Variants in WASF2 observed in about 807,000 individuals in gnomAD.
WASF2 encodes WASP family member 2.
In WASF2, 14 loss-of-function variants were observed where a neutral mutation model predicts 45.0. The observed-to-expected ratio is 0.31, with a 90% CI of 0.21 to 0.49. The LOEUF is 0.49. WASF2 is among the 20% of genes least tolerant of loss of function. WASF2 has a pLI of 0.99. For missense variants in WASF2, 439 were observed against 636.1 expected (o/e 0.69, Z 3.33); for synonymous variants, 200 against 236.3 (o/e 0.85, Z 1.41).
In WASF2 at chr1:27,417,474, C is replaced by T. The variant is rs114862369; in HGVS notation, c.419+795G>A. 1.5e-3 allele frequency among the ~76,000 whole-genome samples: 227 copies of T among 152,362 alleles called. 1 individual carries two copies. The highest frequency in any genetic ancestry group is 5.3e-3 in the African/African-American group (220 of 41,584). ...ACGTGGGTACACACACACACACACT[C>T]TACCTTGCAGTGTACACATGTCTGA... On this transcript the variant is annotated intron_variant, in intron 4 of 8. Coordinates refer to ENST00000618852, the MANE Select transcript of WASF2 (RefSeq NM_006990.5).
intron 1 of WASF2, among the ~76,000 whole-genome samples, chr1:27,451,543 A>G (rs889094622): frequency 5.9e-5 from 9 of 152,186 alleles, no homozygotes; most frequent in African/African-American, 1.9e-4. Context: ...AGCTATAGGG[A>G]GCTATTTAAG....
chr1:27,413,355 G>C (rs2016790227), intron 6 of WASF2, among the ~76,000 whole-genome samples: 1 of 152,188 alleles, frequency 6.6e-6, no homozygotes. Flanking sequence ...GGCCTTGGGT[G>C]AATTTGTTCT....
At chr1:27,455,793 G>GA (rs963004173) in intron 1 of WASF2, among the ~76,000 whole-genome samples, 2 of 151,966 alleles carry the variant, frequency 1.3e-5, no homozygotes, top group Non-Finnish European at 2.9e-5. Context: ...CCATTCCCCA[G>GA]AAAAAATTAA....
chr1:27,451,768 C>T (rs1397592215), intron 1 of WASF2, among the ~76,000 whole-genome samples: 1 of 152,176 alleles, frequency 6.6e-6, no homozygotes, highest in Admixed American at 6.5e-5. Context: ...CACTTTCTTC[C>T]TTGAACAATT....
At chr1:27,415,902 C>T (rs1362210515) in intron 5 of WASF2, 83 bp downstream of exon 5, 1 of 1,191,384 alleles carries the variant, frequency 8.4e-7, no homozygotes, top group Non-Finnish European at 1.2e-6. Flanking sequence ...GAAATGATTA[C>T]TTCACATAAC....
chr1:27,419,939 C>T (rs554603394), intron 2 of WASF2, among the ~76,000 whole-genome samples: 1 of 152,240 alleles, frequency 6.6e-6, no homozygotes, highest in Non-Finnish European at 1.5e-5. Context: ...GAGTTTCCCT[C>T]TGTCACCCAG....
intron 2 of WASF2, among the ~76,000 whole-genome samples, chr1:27,424,957 C>G (rs536782797): frequency 6.6e-6 from 1 of 152,292 alleles, no homozygotes; most frequent in South Asian, 2.1e-4. Flanking sequence ...CTACAGGCAG[C>G]CAGACAGACA....
intron 2 of WASF2, among the ~76,000 whole-genome samples, chr1:27,426,952 A>G (rs933111580): frequency 6.6e-6 from 1 of 152,188 alleles, no homozygotes; most frequent in Non-Finnish European, 1.5e-5. Flanking sequence ...GTAGGCAATC[A>G]ACAAATGTGG....
In WASF2 at chr1:27,407,696, C is replaced by G. The variant is rs572585806; in HGVS notation, c.*493G>C. 1 of 153,234 alleles carries G rather than the reference C, an allele frequency of 6.5e-6. No homozygotes were observed. Among genetic ancestry groups the G allele is most frequent in the South Asian group, 2.1e-4 (1 of 4,878 alleles). 9.5% of individuals were successfully genotyped at this position (153,234 alleles called of 1,614,324 possible). Reference sequence around the variant, plus strand: ...TGATTAGGGCAGAGGGTGAGGCAGTCTGGCCCTTGGACCCTTCGGCCTACT... The same window carrying G: ...TGATTAGGGCAGAGGGTGAGGCAGTGTGGCCCTTGGACCCTTCGGCCTACT... On this transcript the variant is annotated 3_prime_UTR_variant, in exon 9 of 9. Transcript: ENST00000618852.
intron 1 of WASF2, among the ~76,000 whole-genome samples, chr1:27,472,971 CA>C (rs59391183): frequency 2.7e-3 from 181 of 68,298 alleles, no homozygotes; most frequent in Admixed American, 4.4e-3. Context: ...GACCTTGTCT[CA>C]AAAAAAAAAA....
rs1362278314 is a variant in WASF2 at position 27,418,563 on chromosome 1, C to G, written c.266-141G>C. 10 of 1,164,350 alleles carry G rather than the reference C, an allele frequency of 8.6e-6. No homozygotes were observed. The Admixed American group carries it at 1.3e-4, about 15-fold the overall frequency. 72.1% of individuals were successfully genotyped at this position (1,164,350 alleles called of 1,614,324 possible). On this transcript the variant is annotated intron_variant, in intron 3 of 8. Transcript: ENST00000618852. ...CCAGGCTTTTTTTTTCCCTCCCCCT[C>G]TGGGGAAGCCCCACAAGGCTGTCAG...
chr1:27,418,572 C>T (rs927688115), intron 3 of WASF2, 150 bp from the exon 4 acceptor site: 1 of 1,075,186 alleles, frequency 9.3e-7, no homozygotes, highest in African/African-American at 1.6e-5. Flanking sequence ...TCTGGGGAAG[C>T]CCCACAAGGC....
intron 1 of WASF2, among the ~76,000 whole-genome samples, chr1:27,447,987 G>A (rs977929635): frequency 2.0e-5 from 3 of 152,216 alleles, no homozygotes; most frequent in Admixed American, 6.5e-5. Context: ...TTCTGTTCAA[G>A]GGAGATCAGA....
intron 8 of WASF2, among the ~76,000 whole-genome samples, chr1:27,409,452 A>AAAAAAAAAAG (rs1557594400): frequency 6.8e-5 from 10 of 146,262 alleles, no homozygotes; most frequent in African/African-American, 2.4e-4. Flanking sequence ...AAAAAAAAAA[A>AAAAAAAAAAG]AAAAGAAAAG....
intron 3 of WASF2, 120 bp from the exon 4 acceptor site, chr1:27,418,542 G>C (rs956502682): frequency 1.4e-6 from 2 of 1,394,792 alleles, no homozygotes; most frequent in Non-Finnish European, 2.0e-6. Context: ...CCGCAGCCAG[G>C]CTTTTTTTTT....
intron 1 of WASF2, among the ~76,000 whole-genome samples, chr1:27,471,261 C>T (rs978142557): frequency 1.4e-5 from 2 of 146,532 alleles, no homozygotes. Flanking sequence ...AGGAGAATGG[C>T]GTGAACCCGG....
chr1:27,432,775 C>T (rs926506255), intron 1 of WASF2, among the ~76,000 whole-genome samples: 1 of 151,672 alleles, frequency 6.6e-6, no homozygotes, highest in African/African-American at 2.4e-5. Context: ...GACAAGGTCT[C>T]ACTCTGTCAC....
intron 2 of WASF2, among the ~76,000 whole-genome samples, chr1:27,427,727 G>A (rs1368393211): frequency 3.3e-5 from 5 of 152,142 alleles, no homozygotes; most frequent in Admixed American, 6.6e-5. Context: ...ATTGCTATAC[G>A]GGAGAATGCA....
chr1:27,476,161 A>G (rs183835439), intron 1 of WASF2, among the ~76,000 whole-genome samples: 134 of 152,348 alleles, frequency 8.8e-4, no homozygotes, highest in Non-Finnish European at 1.3e-3. Flanking sequence ...ACTGTTTACG[A>G]GGCCTTAGGT....
Sources: gnomAD v4.1 joint callset for allele counts (sites outside exome capture counted in the v4.1 genomes callset) on GRCh38, gnomAD v4.1.1 for gene constraint, MANE v1.5 for transcripts, NCBI Gene and HGNC (gene_info 2026-07-23, HGNC 2026-07-21) for gene names.